Variants in MBTD1 observed in about 807,000 individuals in gnomAD.
The protein encoded by MBTD1 is mbt domain containing 1.
MBTD1 carries 24 observed loss-of-function variants against 87.8 expected under a neutral mutation model. That is an observed-to-expected ratio of 0.27 (90% CI 0.20 to 0.38). MBTD1 has a LOEUF of 0.38. MBTD1 is among the 10% of genes least tolerant of loss of function. The probability of loss-of-function intolerance (pLI) is 1.00; values close to 1 mark genes in which losing one functional copy is unlikely to be tolerated. For synonymous variants in MBTD1, 237 were observed against 248.6 expected (o/e 0.95, Z 0.44); for missense variants, 436 against 760.2 (o/e 0.57, Z 5.02).
chr17:51,221,653 G>A (rs186966595), intron 3 of MBTD1, among the ~76,000 whole-genome samples: 31 of 152,132 alleles, frequency 2.0e-4, no homozygotes, highest in Non-Finnish European at 1.6e-4. Context: ...AAAAAATTGC[G>A]TCTGTACTGA....
chr17:51,209,261 T>C (rs1445624548), intron 6 of MBTD1: 3 of 413,384 alleles, frequency 7.3e-6, no homozygotes, highest in Admixed American at 2.6e-5. Flanking sequence ...AAAGTCTGGA[T>C]TGGCATAGCA....
intron 12 of MBTD1, among the ~76,000 whole-genome samples, chr17:51,199,940 G>A (rs1034650274): frequency 4.6e-5 from 7 of 151,210 alleles, no homozygotes; most frequent in South Asian, 2.1e-4. Flanking sequence ...TTCTCCTGCC[G>A]CAGTCTCCTG....
At chr17:51,257,579 T>C (rs1488767964) in intron 2 of MBTD1, among the ~76,000 whole-genome samples, 1 of 152,208 alleles carries the variant, frequency 6.6e-6, no homozygotes, top group African/African-American at 2.4e-5. Flanking sequence ...AAGGTCAACA[T>C]ATAACCAGCT....
At chr17:51,237,444 G>A (rs2053913704) in intron 2 of MBTD1, among the ~76,000 whole-genome samples, 1 of 152,080 alleles carries the variant, frequency 6.6e-6, no homozygotes, top group Non-Finnish European at 1.5e-5. Flanking sequence ...GATTTGATAA[G>A]GGGTTTGTAT....
chr17:51,201,927 C>G, intron 11 of MBTD1, 95 bp downstream of exon 11: 1 of 849,282 alleles, frequency 1.2e-6, no homozygotes, highest in Admixed American at 2.0e-5. Flanking sequence ...TTTAAGTGAA[C>G]ATATGTAATT....
chr17:51,242,827 C>A (rs544628150), intron 2 of MBTD1, among the ~76,000 whole-genome samples: 4 of 152,242 alleles, frequency 2.6e-5, no homozygotes, highest in South Asian at 4.1e-4. Flanking sequence ...ATTTCCATTT[C>A]CTTCACAAAA....
intron 5 of MBTD1, among the ~76,000 whole-genome samples, chr17:51,218,083 A>G (rs954228912): frequency 1.3e-5 from 2 of 152,066 alleles, no homozygotes; most frequent in Non-Finnish European, 2.9e-5. Context: ...CCTACCCCAT[A>G]TCACTTTTAA....
intron 12 of MBTD1, among the ~76,000 whole-genome samples, chr17:51,200,588 G>T (rs574325766): frequency 7.1e-6 from 1 of 140,844 alleles, no homozygotes; most frequent in African/African-American, 2.7e-5. Flanking sequence ...AAAATGCCAC[G>T]TACGGTGGCT....
upstream of MBTD1, chr17:51,260,764 G>A: frequency 1.3e-6 from 2 of 1,581,344 alleles, no homozygotes; most frequent in South Asian, 1.1e-5. Flanking sequence ...CGGCCGCTGC[G>A]ATTGCAGTCG....
chr17:51,250,564 T>C (rs1241999960), intron 2 of MBTD1: 1 of 152,214 alleles, frequency 6.6e-6, no homozygotes, highest in African/African-American at 2.4e-5. Flanking sequence ...TGTCTTGCTT[T>C]GTTATGTTGC....
chr17:51,208,143 C>T (rs1201149413), intron 6 of MBTD1, among the ~76,000 whole-genome samples: 1 of 152,192 alleles, frequency 6.6e-6, no homozygotes, highest in African/African-American at 2.4e-5. Context: ...TAGCCTAAAA[C>T]AACATTCAAC....
At chr17:51,240,491 G>C (rs1007264875) in intron 2 of MBTD1, among the ~76,000 whole-genome samples, 1 of 152,156 alleles carries the variant, frequency 6.6e-6, no homozygotes, top group Non-Finnish European at 1.5e-5. Flanking sequence ...TTTGCTGACT[G>C]TTCTATTGGA....
chr17:51,236,648 G>C (rs552289637), intron 2 of MBTD1, among the ~76,000 whole-genome samples: 1 of 152,142 alleles, frequency 6.6e-6, no homozygotes, highest in Non-Finnish European at 1.5e-5. Context: ...CACAAGGCCC[G>C]AGGCAGGGAG....
chr17:51,198,813 T>C (rs1233834033), intron 12 of MBTD1, among the ~76,000 whole-genome samples: 2 of 151,774 alleles, frequency 1.3e-5, no homozygotes, highest in African/African-American at 2.4e-5. Context: ...ATTTTTGTTG[T>C]TGTTGTTTGA....
At chr17:51,257,838 C>A (rs1482317132) in intron 2 of MBTD1, among the ~76,000 whole-genome samples, 1 of 152,084 alleles carries the variant, frequency 6.6e-6, no homozygotes, top group Non-Finnish European at 1.5e-5. Flanking sequence ...TCAAACATTA[C>A]ATAAAGTTAG....
At chr17:51,228,489 C>CG (rs1304898027) in intron 2 of MBTD1, among the ~76,000 whole-genome samples, 71 of 92,248 alleles carry the variant, frequency 7.7e-4, no homozygotes, top group African/African-American at 2.5e-3. Flanking sequence ...ATTCAAACCA[C>CG]GAAAAAAAAA....
intron 12 of MBTD1, among the ~76,000 whole-genome samples, chr17:51,198,745 T>C (rs1297847138): frequency 6.6e-6 from 1 of 152,000 alleles, no homozygotes; most frequent in African/African-American, 2.4e-5. Flanking sequence ...CCACCAAGCC[T>C]GGCCTTGACT....
chr17:51,192,184 A>G lies in MBTD1; in HGVS notation c.1768+19T>C. On this transcript the variant is annotated intron_variant, in intron 16 of 16. Coordinates refer to ENST00000586178, the MANE Select transcript of MBTD1 (RefSeq NM_017643.3). ...GTTAACAATTAGAAAATGTATGTGA[A>G]CACCACGTGGTGACCCACTTTTCTT... 1 of 1,524,378 alleles carries G rather than the reference A, an allele frequency of 6.6e-7. No individual in the cohort carries two copies. The highest frequency in any genetic ancestry group is 8.9e-7 in the Non-Finnish European group (1 of 1,123,224). 94.4% of individuals were successfully genotyped at this position (1,524,378 alleles called of 1,614,324 possible).
Position 51,259,707 on chromosome 17 carries a change from TGA to T in MBTD1, c.-113+126_-113+127del, listed in dbSNP as rs1355304006. ...GAAGGGGGAGGGGGGCTCCGGAGGT[TGA>T]GAGGGCGTGGGATGGAGAAGCAGGC... On this transcript the variant is annotated intron_variant, in intron 1 of 16. Coordinates refer to ENST00000586178, the MANE Select transcript of MBTD1 (RefSeq NM_017643.3). 5.8e-6 allele frequency: 5 copies of T among 861,664 alleles called. No homozygotes were observed. In the African/African-American group the frequency reaches 8.8e-5, roughly 15 times the overall value. 53.4% of individuals were successfully genotyped at this position (861,664 alleles called of 1,614,324 possible).
Sources: gnomAD v4.1 joint callset for allele counts (sites outside exome capture counted in the v4.1 genomes callset) on GRCh38, gnomAD v4.1.1 for gene constraint, MANE v1.5 for transcripts, NCBI Gene and HGNC (gene_info 2026-07-23, HGNC 2026-07-21) for gene names.